HYAL4: variants seen among roughly 807,000 people sequenced by gnomAD.
HYAL4 encodes the protein hyaluronidase 4, also known as hyaluronidase-4.
Under a neutral mutation model 35.2 loss-of-function variants are expected in HYAL4, and 37 were observed. The ratio of observed to expected loss-of-function variants is 1.05; its 90% CI spans 0.81 to 1.38. The LOEUF is 1.38. HYAL4 is among the 40% of genes most tolerant of loss of function. The probability of loss-of-function intolerance (pLI) is 0.00; values close to 1 mark genes in which losing one functional copy is unlikely to be tolerated. For synonymous variants in HYAL4, 198 were observed against 203.2 expected (o/e 0.97, Z 0.22); for missense variants, 572 against 572.4 (o/e 1.00, Z 0.01).
intron 1 of HYAL4, among the ~76,000 whole-genome samples, chr7:123,833,233 T>A (rs896912956): frequency 6.6e-6 from 1 of 152,190 alleles, no homozygotes; most frequent in African/African-American, 2.4e-5. Flanking sequence ...TACACCCACA[T>A]GGACATCTAT....
At chr7:123,843,667 C>A (rs945147948), upstream of HYAL4, among the ~76,000 whole-genome samples, 5 of 151,950 alleles carry the variant, frequency 3.3e-5, no homozygotes, top group Admixed American at 1.3e-4. Flanking sequence ...TTCACATAGT[C>A]CCATATTTCT....
chr7:123,789,173 G>A, the HYAL4 span, among the ~76,000 whole-genome samples: 1 of 152,188 alleles, frequency 6.6e-6, no homozygotes, highest in East Asian at 1.9e-4. Flanking sequence ...CTACTCTCAA[G>A]AAGATTGTTA....
the HYAL4 span, among the ~76,000 whole-genome samples, chr7:123,821,530 A>G: frequency 6.6e-6 from 1 of 152,116 alleles, no homozygotes; most frequent in Non-Finnish European, 1.5e-5. Context: ...ATAGAAGTTC[A>G]TTATATATTT....
chr7:123,867,691 T>A (rs373435824), intron 2 of HYAL4, among the ~76,000 whole-genome samples: 1 of 152,296 alleles, frequency 6.6e-6, no homozygotes, highest in African/African-American at 2.4e-5. Context: ...TCCAATAAAT[T>A]ATCATGTAGT....
intron 4 of HYAL4, 34 bp from the exon 5 acceptor site, chr7:123,876,720 A>T (rs764027360): frequency 1.3e-6 from 2 of 1,591,340 alleles, no homozygotes; most frequent in Non-Finnish European, 1.7e-6. Context: ...ACCAGGGAGA[A>T]CACACTAAAA....
chr7:123,869,928 G>C (rs887110989), intron 3 of HYAL4, among the ~76,000 whole-genome samples: 1 of 151,324 alleles, frequency 6.6e-6, no homozygotes, highest in Admixed American at 6.6e-5. Context: ...GACCTCAGGT[G>C]ATCCACCCTC....
At chr7:123,766,078 T>C in the HYAL4 span, among the ~76,000 whole-genome samples, 1 of 152,184 alleles carries the variant, frequency 6.6e-6, no homozygotes, top group Non-Finnish European at 1.5e-5. Flanking sequence ...AAAACTATTC[T>C]TGATTTCCCA....
the HYAL4 span, among the ~76,000 whole-genome samples, chr7:123,764,073 C>T: frequency 2.0e-5 from 3 of 152,168 alleles, no homozygotes; most frequent in Admixed American, 1.3e-4. Context: ...CCTTGAACTC[C>T]TTGGGCTCAG....
At chr7:123,781,318 TTGTC>T in the HYAL4 span, among the ~76,000 whole-genome samples, 4 of 117,428 alleles carry the variant, frequency 3.4e-5, no homozygotes, top group Non-Finnish European at 5.5e-5. Context: ...ATCCTTTACA[TTGTC>T]TGTGATGCAA....
At chr7:123,864,921 A>G (rs981803219) in intron 2 of HYAL4, among the ~76,000 whole-genome samples, 1 of 151,454 alleles carries the variant, frequency 6.6e-6, no homozygotes. Context: ...TTACTTATTT[A>G]TTTTGTCTTT....
chr7:123,792,295 T>C, the HYAL4 span, among the ~76,000 whole-genome samples: 3 of 152,210 alleles, frequency 2.0e-5, no homozygotes, highest in Non-Finnish European at 2.9e-5. Flanking sequence ...TATGCTCCAC[T>C]GAATCTTCCA....
chr7:123,766,059 T>C, the HYAL4 span, among the ~76,000 whole-genome samples: 1 of 152,158 alleles, frequency 6.6e-6, no homozygotes, highest in Admixed American at 6.5e-5. Context: ...TTACTTGTTC[T>C]TTTCTTCAAA....
intron 1 of HYAL4, among the ~76,000 whole-genome samples, chr7:123,846,590 C>T (rs1429329919): frequency 2.0e-5 from 3 of 152,102 alleles, no homozygotes; most frequent in African/African-American, 7.2e-5. Context: ...TGAAAGCAAA[C>T]GGGGCTTTCC....
the HYAL4 span, among the ~76,000 whole-genome samples, chr7:123,796,732 T>C: frequency 6.6e-6 from 1 of 152,244 alleles, no homozygotes; most frequent in Middle Eastern, 3.4e-3. Flanking sequence ...AGTATATATA[T>C]ACAATGGAAT....
the HYAL4 span, among the ~76,000 whole-genome samples, chr7:123,818,225 C>T: frequency 6.6e-6 from 1 of 152,280 alleles, no homozygotes; most frequent in Middle Eastern, 3.4e-3. Flanking sequence ...TATTTGGATT[C>T]TGTTTATACA....
At chr7:123,794,471 T>C in the HYAL4 span, among the ~76,000 whole-genome samples, 1 of 152,112 alleles carries the variant, frequency 6.6e-6, no homozygotes, top group Admixed American at 6.5e-5. Flanking sequence ...GGAAAAATTG[T>C]TTCCTGGGCC....
At chr7:123,790,739 A>G in the HYAL4 span, 1 of 152,006 alleles carries the variant, frequency 6.6e-6, no homozygotes, top group Admixed American at 6.6e-5. Flanking sequence ...ATGGCCAACC[A>G]TATTATGTAC....
the HYAL4 span, among the ~76,000 whole-genome samples, chr7:123,783,051 G>A: frequency 8.8e-3 from 1,339 of 151,838 alleles, 20 homozygotes; most frequent in African/African-American, 0.031. Flanking sequence ...AAAGTCAAAA[G>A]CGTTTGACTT....
chr7:123,800,984 T>G, the HYAL4 span, among the ~76,000 whole-genome samples: 1 of 152,120 alleles, frequency 6.6e-6, no homozygotes, highest in African/African-American at 2.4e-5. Flanking sequence ...AAAATAAAAT[T>G]TATTTTATTT....
Sources: allele counts gnomAD v4.1 joint callset (sites outside exome capture counted in the v4.1 genomes callset), GRCh38; gene constraint gnomAD v4.1.1; transcripts MANE v1.5; gene names NCBI Gene and HGNC (gene_info 2026-07-23, HGNC 2026-07-21).